Variants in TLCD4 observed in about 807,000 individuals in gnomAD.
TLCD4 encodes the protein TLC domain containing 4.
A neutral mutation model predicts 24.2 loss-of-function variants in TLCD4; 7 were observed. The ratio of observed to expected loss-of-function variants is 0.29; its 90% CI spans 0.16 to 0.54. The LOEUF (loss-of-function observed/expected upper bound fraction) is 0.54. TLCD4 is among the 20% of genes least tolerant of loss of function. TLCD4 has a pLI of 0.95. For synonymous variants in TLCD4, 103 were observed against 106.4 expected (o/e 0.97, Z 0.20); for missense variants, 259 against 313.9 (o/e 0.82, Z 1.32).
chr1:95,181,076 G>A (rs868552256), intron 6 of TLCD4, among the ~76,000 whole-genome samples: 2 of 152,212 alleles, frequency 1.3e-5, no homozygotes, highest in African/African-American at 4.8e-5. Context: ...CAGCCTGGGT[G>A]ATAGAGTGAG....
At chr1:95,162,461 CCAGT>C (rs1434548987) in intron 5 of TLCD4, among the ~76,000 whole-genome samples, 16 of 151,680 alleles carry the variant, frequency 1.1e-4, no homozygotes, top group Non-Finnish European at 7.4e-5. Context: ...ATCCAATTTG[CCAGT>C]CTGTGTCTTT....
At chr1:95,118,247 C>T (rs1186362773) in intron 1 of TLCD4, among the ~76,000 whole-genome samples, 1 of 152,160 alleles carries the variant, frequency 6.6e-6, no homozygotes, top group Non-Finnish European at 1.5e-5. Context: ...GTTTCTATTT[C>T]CATCTTTACC....
At chr1:95,106,440 C>G in the TLCD4 span, among the ~76,000 whole-genome samples, 3 of 152,194 alleles carry the variant, frequency 2.0e-5, no homozygotes, top group African/African-American at 7.2e-5. Flanking sequence ...GTGGCTCACG[C>G]CTGTAATCCT....
At chr1:95,152,260 A>G (rs1271762587) in intron 5 of TLCD4, among the ~76,000 whole-genome samples, 3 of 152,096 alleles carry the variant, frequency 2.0e-5, no homozygotes, top group Admixed American at 6.6e-5. Context: ...CTCATTGACT[A>G]TAAGAAGGTT....
intron 6 of TLCD4, among the ~76,000 whole-genome samples, chr1:95,179,945 A>C (rs1678575026): frequency 6.6e-6 from 1 of 152,212 alleles, no homozygotes. Context: ...ATATCCTTTC[A>C]CAATAGCAAC....
Position 95,161,621 on chromosome 1 carries a change from T to C in TLCD4, c.399+10202T>C, listed in dbSNP as rs1276815964. The stretch of plus-strand genomic sequence containing the variant: ...GGTGTCAATTTTAGATCTTTCCTGC[T>C]TTCTCTTGTGGGCATTTAGTGCAAT... On this transcript the variant is annotated intron_variant, in intron 5 of 6. Transcript: ENST00000370203. Among the ~76,000 whole-genome samples, 14 of 152,356 alleles carry C rather than the reference T, an allele frequency of 9.2e-5. No individual in the cohort carries two copies. The East Asian group carries it at 2.5e-3, about 27-fold the overall frequency.
At chr1:95,099,062 A>AAAAAAAAAAAAC in the TLCD4 span, among the ~76,000 whole-genome samples, 1 of 150,628 alleles carries the variant, frequency 6.6e-6, no homozygotes, top group Non-Finnish European at 1.5e-5. Flanking sequence ...TCAAAAAAAA[A>AAAAAAAAAAAAC]AAAAAAAAAA....
At chr1:95,105,483 T>C in the TLCD4 span, among the ~76,000 whole-genome samples, 531 of 152,364 alleles carry the variant, frequency 3.5e-3, 1 homozygote, top group Non-Finnish European at 6.2e-3. Context: ...TGGGTTTTGA[T>C]AATTAGGCAC....
the TLCD4 span, among the ~76,000 whole-genome samples, chr1:95,092,750 G>A: frequency 6.6e-6 from 1 of 152,130 alleles, no homozygotes; most frequent in Admixed American, 6.5e-5. Flanking sequence ...GAAGGTCCGC[G>A]GCTTCATTCT....
chr1:95,167,972 C>A (rs566734619), intron 5 of TLCD4, among the ~76,000 whole-genome samples: 3 of 152,284 alleles, frequency 2.0e-5, no homozygotes, highest in Admixed American at 2.0e-4. Flanking sequence ...TCCTTTGACT[C>A]CGCCAGACTT....
chr1:95,129,286 G>A (rs988668108), intron 1 of TLCD4, among the ~76,000 whole-genome samples: 1 of 152,134 alleles, frequency 6.6e-6, no homozygotes, highest in Non-Finnish European at 1.5e-5. Context: ...ACTCTTGGAG[G>A]AGTAAGGGCT....
chr1:95,142,906 A>G (rs1157508619), intron 1 of TLCD4, among the ~76,000 whole-genome samples: 1 of 140,502 alleles, frequency 7.1e-6, no homozygotes, highest in Non-Finnish European at 1.5e-5. Context: ...GCTGAGATCT[A>G]TCGCACCACT....
At chr1:95,178,338 C>A (rs1228219479) in intron 6 of TLCD4, among the ~76,000 whole-genome samples, 11 of 152,160 alleles carry the variant, frequency 7.2e-5, no homozygotes, top group African/African-American at 2.7e-4. Flanking sequence ...TGGCTCACTG[C>A]AACCCCAACC....
intron 6 of TLCD4, among the ~76,000 whole-genome samples, chr1:95,185,607 AGAC>A (rs757961098): frequency 6.6e-6 from 1 of 152,248 alleles, no homozygotes; most frequent in Non-Finnish European, 1.5e-5. Context: ...GTTAACGTGA[AGAC>A]GACGAGAATG....
At chr1:95,154,345 C>T (rs755052659) in intron 5 of TLCD4, among the ~76,000 whole-genome samples, 2 of 152,076 alleles carry the variant, frequency 1.3e-5, no homozygotes, top group Middle Eastern at 3.4e-3. Flanking sequence ...AGTCTAATCT[C>T]CTTGTCAACA....
At chr1:95,151,565 C>T in intron 5 of TLCD4, 146 bp downstream of exon 5, 1 of 867,068 alleles carries the variant, frequency 1.2e-6, no homozygotes, top group Non-Finnish European at 1.7e-6. Flanking sequence ...GGTATGCTAT[C>T]TTCTGTATTA....
In TLCD4 at chr1:95,160,783, T is replaced by G. The variant is rs918285763; in HGVS notation, c.399+9364T>G. Among the ~76,000 whole-genome samples the G allele has an allele frequency of 7.2e-5, 11 of 152,356 alleles. No individual in the cohort carries two copies. The South Asian group carries it at 1.2e-3, about 17-fold the overall frequency. ...ATCATGTGGTTTTCGTCTTTGGTTC[T>G]GTTTATATGATGGATTATGTTTATT... On this transcript the variant is annotated intron_variant, in intron 5 of 6. Coordinates refer to ENST00000370203, the MANE Select transcript of TLCD4 (RefSeq NM_152487.3).
At chr1:95,190,981 C>CT (rs1216628050) in intron 6 of TLCD4, among the ~76,000 whole-genome samples, 4 of 152,080 alleles carry the variant, frequency 2.6e-5, no homozygotes, top group African/African-American at 9.7e-5. Context: ...TAACGAAGTC[C>CT]AACTTAACTA....
intron 6 of TLCD4, among the ~76,000 whole-genome samples, chr1:95,183,335 A>T (rs1678712875): frequency 6.6e-6 from 1 of 152,206 alleles, no homozygotes; most frequent in Non-Finnish European, 1.5e-5. Flanking sequence ...GGACCCAGAG[A>T]AATGTGCCCA....
Sources: gnomAD v4.1 joint callset for allele counts (sites outside exome capture counted in the v4.1 genomes callset) on GRCh38, gnomAD v4.1.1 for gene constraint, MANE v1.5 for transcripts, NCBI Gene and HGNC (gene_info 2026-07-23, HGNC 2026-07-21) for gene names.